Variants in CTXN2 observed in about 807,000 individuals in gnomAD.
The protein encoded by CTXN2 is cortexin 2.
A neutral mutation model predicts 5.7 loss-of-function variants in CTXN2; 3 were observed. The observed-to-expected ratio is 0.53, with a 90% confidence interval of 0.24 to 1.36. CTXN2 has a LOEUF of 1.36. Among genes scored for constraint, CTXN2 ranks in the 40% most tolerant of loss-of-function variants. The pLI is 0.17. For synonymous variants in CTXN2, 38 were observed against 36.4 expected (o/e 1.04, Z -0.16); for missense variants, 87 against 93.0 (o/e 0.94, Z 0.26).
At position 48,191,679 on chromosome 15, in the gene CTXN2, CACAGACATTT is replaced by C. The variant is rs1337167384; in HGVS notation, c.-228_-219del. 8 of 455,650 alleles carry C rather than the reference CACAGACATTT, an allele frequency of 1.8e-5. No individual in the cohort carries two copies. Among genetic ancestry groups the C allele is most frequent in the African/African-American group, 1.6e-4 (8 of 50,056 alleles). 28.2% of individuals were successfully genotyped at this position (455,650 alleles called of 1,614,324 possible). Reference sequence around the variant, plus strand: ...CCACGTCCTCTGTCTCACCAACAGACACAGACATTTACACTTCTAGGCCAGGAAAGCGCTA... The same window carrying C: ...CCACGTCCTCTGTCTCACCAACAGACACACTTCTAGGCCAGGAAAGCGCTA... On this transcript the variant is annotated 5_prime_UTR_variant, in exon 1 of 2. Transcript: ENST00000417307.
At chr15:48,201,212 TAA>T in intron 1 of CTXN2, 30 bp from the exon 2 acceptor site, 1 of 1,404,376 alleles carries the variant, frequency 7.1e-7, no homozygotes, top group South Asian at 1.3e-5. Context: ...CATACAAGGG[TAA>T]AACTAAACTG....
upstream of CTXN2, chr15:48,191,545 A>G (rs928613004): frequency 8.1e-6 from 3 of 370,466 alleles, no homozygotes; most frequent in South Asian, 6.0e-5. Flanking sequence ...ACACACACAG[A>G]TGCTGCCACA....
upstream of CTXN2, chr15:48,189,430 C>T (rs2040791942): frequency 1.3e-5 from 2 of 152,122 alleles, no homozygotes; most frequent in African/African-American, 2.4e-5. Flanking sequence ...AGTCTCCAAC[C>T]GTGATAATAA....
intron 1 of CTXN2, among the ~76,000 whole-genome samples, chr15:48,185,244 T>C (rs2040737355): frequency 6.6e-6 from 1 of 152,148 alleles, no homozygotes; most frequent in South Asian, 2.1e-4. Context: ...TCAAAACTCA[T>C]AGAACTGACC....
upstream of CTXN2, among the ~76,000 whole-genome samples, chr15:48,186,711 C>T (rs1207982197): frequency 2.0e-5 from 3 of 151,030 alleles, no homozygotes; most frequent in Non-Finnish European, 4.4e-5. Context: ...CCAGCCTGAC[C>T]AACATGCTGA....
Position 48,201,780 on chromosome 15 carries a change from C to T in CTXN2, c.*234C>T. 2.0e-6 allele frequency: 1 copy of T among 511,270 alleles called. No individual in the cohort carries two copies. 31.7% of individuals were successfully genotyped at this position (511,270 alleles called of 1,614,324 possible). A position where few individuals can be genotyped will look rare whatever the true frequency, so the allele number is the denominator to read the frequency against. ...AATAGAGCATAAGGATGGCTGCCGC[C>T]ATGTTTACCATCTTTATTCTTATCT... is the stretch of plus-strand genomic sequence containing the variant. On this transcript the variant is annotated 3_prime_UTR_variant, in exon 2 of 2. Coordinates refer to ENST00000417307, the MANE Select transcript of CTXN2 (RefSeq NM_001145668.2).
At chr15:48,188,263 T>C (rs1197727894), upstream of CTXN2, among the ~76,000 whole-genome samples, 1 of 152,112 alleles carries the variant, frequency 6.6e-6, no homozygotes, top group African/African-American at 2.4e-5. Context: ...TAAGGTCTTA[T>C]GTAGTTATTC....
chr15:48,196,724 A>G (rs1412559908), intron 1 of CTXN2, among the ~76,000 whole-genome samples: 2 of 152,086 alleles, frequency 1.3e-5, no homozygotes, highest in African/African-American at 4.8e-5. Context: ...TTAACTTTTA[A>G]TGACTTCTTA....
chr15:48,193,668 C>T (rs2040848469), intron 1 of CTXN2, among the ~76,000 whole-genome samples: 1 of 152,006 alleles, frequency 6.6e-6, no homozygotes, highest in South Asian at 2.1e-4. Flanking sequence ...TTATCTATAA[C>T]TGTTGAGTAT....
chr15:48,188,208 G>A (rs2040777635), upstream of CTXN2, among the ~76,000 whole-genome samples: 3 of 133,216 alleles, frequency 2.3e-5, no homozygotes, highest in South Asian at 5.5e-4. Context: ...AACCAAAATT[G>A]CAGTAGTTAA....
At chr15:48,199,930 C>T (rs185271746) in intron 1 of CTXN2, among the ~76,000 whole-genome samples, 3 of 152,204 alleles carry the variant, frequency 2.0e-5, no homozygotes, top group Non-Finnish European at 4.4e-5. Context: ...AATATTTCTA[C>T]CACTTAAGGT....
intron 1 of CTXN2, chr15:48,178,459 T>G: frequency 2.1e-6 from 1 of 477,740 alleles, no homozygotes; most frequent in Non-Finnish European, 3.5e-6. Flanking sequence ...GGAGCTGGGG[T>G]CAGGGCCGCT....
chr15:48,196,453 G>A (rs1244052032), intron 1 of CTXN2, among the ~76,000 whole-genome samples: 2 of 152,058 alleles, frequency 1.3e-5, no homozygotes, highest in African/African-American at 2.4e-5. Context: ...AGATTAAAGT[G>A]AAACCTTTGT....
intron 1 of CTXN2, among the ~76,000 whole-genome samples, chr15:48,185,320 A>G (rs1276927618): frequency 6.6e-6 from 1 of 152,162 alleles, no homozygotes; most frequent in Non-Finnish European, 1.5e-5. Context: ...TTGTTTTATC[A>G]ATTGTTAACA....
chr15:48,185,018 C>T (rs774872984), intron 1 of CTXN2, among the ~76,000 whole-genome samples: 14 of 151,936 alleles, frequency 9.2e-5, no homozygotes, highest in Non-Finnish European at 1.9e-4. Flanking sequence ...TGCTTACATG[C>T]GTGTTGTTAA....
chr15:48,194,964 C>T (rs894261667), intron 1 of CTXN2, among the ~76,000 whole-genome samples: 1 of 152,112 alleles, frequency 6.6e-6, no homozygotes, highest in African/African-American at 2.4e-5. Flanking sequence ...GTCTTCTACA[C>T]AAACGTTATT....
intron 1 of CTXN2, among the ~76,000 whole-genome samples, chr15:48,184,670 A>C (rs534372454): frequency 1.3e-5 from 2 of 152,328 alleles, no homozygotes; most frequent in East Asian, 3.9e-4. Context: ...ATGTGGAGCA[A>C]CAGGAACTCT....
intron 1 of CTXN2, among the ~76,000 whole-genome samples, chr15:48,195,595 G>A (rs969161022): frequency 7.9e-5 from 12 of 152,100 alleles, no homozygotes; most frequent in African/African-American, 2.9e-4. Context: ...CATATTTATT[G>A]TCATGCTTTT....
chr15:48,198,701 G>T (rs1215357904), intron 1 of CTXN2, among the ~76,000 whole-genome samples: 1 of 152,120 alleles, frequency 6.6e-6, no homozygotes, highest in Non-Finnish European at 1.5e-5. Context: ...TGGTTAGTAG[G>T]TTTTAAGAAA....
Sources: allele counts gnomAD v4.1 joint callset (sites outside exome capture counted in the v4.1 genomes callset), GRCh38; gene constraint gnomAD v4.1.1; transcripts MANE v1.5; gene names NCBI Gene and HGNC (gene_info 2026-07-23, HGNC 2026-07-21).